Variants in ZNF253 observed in about 807,000 individuals in gnomAD.
ZNF253 encodes the protein zinc finger protein 253.
A neutral mutation model predicts 11.9 loss-of-function variants in ZNF253; 8 were observed. That is an observed-to-expected ratio of 0.67 (90% confidence interval 0.40 to 1.22). ZNF253 has a LOEUF of 1.22. Among genes scored for constraint, ZNF253 ranks in the 50% most tolerant of loss-of-function variants. ZNF253 has a pLI of 0.01. For synonymous variants in ZNF253, 194 were observed against 194.9 expected (o/e 1.00, Z 0.04); for missense variants, 485 against 586.9 (o/e 0.83, Z 1.79).
In ZNF253 at chr19:19,894,376, GT is replaced by G. The variant is rs1338284908; in HGVS notation, c.*1635del. 1 of 152,184 alleles carries G rather than the reference GT, an allele frequency of 6.6e-6. No individual in the cohort carries two copies. The highest frequency in any genetic ancestry group is 1.5e-5 in the Non-Finnish European group (1 of 68,016). 9.4% of individuals were successfully genotyped at this position (152,184 alleles called of 1,614,324 possible). A position where few individuals can be genotyped will look rare whatever the true frequency, so the allele number is the denominator to read the frequency against. ...TGCTGCATTAGAGATATTAGAGATT[GT>G]TTTTTATTAGTTGGGCATTATGTAT... On this transcript the variant is annotated 3_prime_UTR_variant, in exon 4 of 4. Coordinates refer to ENST00000589717, the MANE Select transcript of ZNF253 (RefSeq NM_021047.3).
chr19:19,879,702 G>T (rs2063169474), intron 2 of ZNF253, among the ~76,000 whole-genome samples: 1 of 152,144 alleles, frequency 6.6e-6, no homozygotes, highest in South Asian at 2.1e-4. Context: ...TTGATCACAT[G>T]CTTTCACTTG....
chr19:19,891,286 T>C (rs1334470107), intron 3 of ZNF253, among the ~76,000 whole-genome samples, 188 bp from the exon 4 acceptor site: 1 of 152,216 alleles, frequency 6.6e-6, no homozygotes. Flanking sequence ...CATTTATAAA[T>C]TTTTTACAAT....
Position 19,892,737 on chromosome 19 carries a change from G to C in ZNF253, c.1490G>C (p.Ser497Thr). 1.9e-6 allele frequency: 3 copies of C among 1,580,216 alleles called. No individual in the cohort carries two copies. The highest frequency in any genetic ancestry group is 2.6e-6 in the Non-Finnish European group (3 of 1,165,094). ...TTAAATGTTCCTCCACTTTTAATTA[G>C]CATAAGATAATTCATACTGGAGAGA... ...DLLNVPPLLI[S>T]IR Residue 497 changes from serine (S) to threonine (T), a missense_variant, in exon 4 of 4, where the codon AGC (serine) becomes ACC (threonine). Coordinates refer to ENST00000589717, the MANE Select transcript of ZNF253 (RefSeq NM_021047.3).
chr19:19,885,151 G>C (rs1416856759), intron 3 of ZNF253, among the ~76,000 whole-genome samples: 1 of 151,386 alleles, frequency 6.6e-6, no homozygotes, highest in Non-Finnish European at 1.5e-5. Flanking sequence ...TTTATTTGTT[G>C]CTCATACATT....
chr19:19,868,281 G>C (rs1270094186), intron 1 of ZNF253, among the ~76,000 whole-genome samples: 2 of 151,990 alleles, frequency 1.3e-5, no homozygotes, highest in African/African-American at 4.8e-5. Context: ...TCTGTGTCTA[G>C]AATGGTACTT....
intron 3 of ZNF253, among the ~76,000 whole-genome samples, chr19:19,885,133 T>C (rs2063193196): frequency 6.6e-6 from 1 of 152,098 alleles, no homozygotes; most frequent in African/African-American, 2.4e-5. Flanking sequence ...GTTAAACTTT[T>C]TTGTTCTTTT....
chr19:19,876,295 G>A (rs551164288), intron 1 of ZNF253, among the ~76,000 whole-genome samples: 19 of 147,038 alleles, frequency 1.3e-4, no homozygotes, highest in African/African-American at 4.8e-4. Context: ...TGATTTATAA[G>A]CTCATTAAAA....
Position 19,892,824 on chromosome 19 carries a change from TGA to T in ZNF253, c.*81_*82del. On this transcript the variant is annotated 3_prime_UTR_variant, in exon 4 of 4. Coordinates refer to ENST00000589717, the MANE Select transcript of ZNF253 (RefSeq NM_021047.3). ...ACCAGCCCTCGACTCTTAGTAAATT[TGA>T]GAGTTTATATGGAACACAAACCCTA... 7.3e-7 allele frequency: 1 copy of T among 1,364,458 alleles called. No homozygotes were observed. Among genetic ancestry groups the T allele is most frequent in the South Asian group, 1.4e-5 (1 of 69,920 alleles). The allele number at this position is 1,364,458 out of a possible 1,614,324, so 84.5% of individuals were successfully genotyped here. A position where few individuals can be genotyped will look rare whatever the true frequency, so the allele number is the denominator to read the frequency against.
At chr19:19,890,121 C>T (rs1421828336) in intron 3 of ZNF253, among the ~76,000 whole-genome samples, 1 of 152,062 alleles carries the variant, frequency 6.6e-6, no homozygotes. Flanking sequence ...ATAGTTTTGT[C>T]CTTGTGTAGT....
At chr19:19,889,244 T>G (rs2063219126) in intron 3 of ZNF253, among the ~76,000 whole-genome samples, 1 of 151,952 alleles carries the variant, frequency 6.6e-6, no homozygotes, top group Admixed American at 6.6e-5. Context: ...TTTTTTCTAT[T>G]TTAATATTTT....
chr19:19,874,140 C>T lies in ZNF253; in HGVS notation c.4-4341C>T, dbSNP rs1176689507. On this transcript the variant is annotated intron_variant, in intron 1 of 3. Transcript: ENST00000589717. The stretch of plus-strand genomic sequence containing the variant: ...GGTCAGGCTGGTCTTTAACTCCTGA[C>T]CTCAGGTGGTCTGCCCGCCTCGGCC... Among the ~76,000 whole-genome samples, 4 of 152,012 alleles carry T rather than the reference C, an allele frequency of 2.6e-5. No homozygotes were observed. The East Asian group carries it at 7.8e-4, about 30-fold the overall frequency.
At chr19:19,881,430 C>A (rs1366119761) in intron 3 of ZNF253, among the ~76,000 whole-genome samples, 1 of 151,986 alleles carries the variant, frequency 6.6e-6, no homozygotes, top group African/African-American at 2.4e-5. Context: ...GCATGGATCA[C>A]CTGAGATCAG....
rs777888425 is a variant in ZNF253 at position 19,891,540 on chromosome 19, T to C, written c.293T>C (p.Met98Thr). 6.2e-7 allele frequency: 1 copy of C among 1,613,784 alleles called. No individual in the cohort carries two copies. Among genetic ancestry groups the C allele is most frequent in the East Asian group, 2.2e-5 (1 of 44,852 alleles). The change falls in exon 4 of 4, where the codon ATG (methionine) becomes ACG (threonine). Residue 98 changes from methionine (M) to threonine (T), a missense_variant. Met to Thr is a moderately conservative substitution (Grantham distance 81). Around this residue, in one of 3 missense-constraint regions of ZNF253, gnomAD observed 218 missense variants for 213.1 expected, o/e 1.02. Transcript: ENST00000589717. ...ENIQNSFQIG[M>T]LRRYEECRHD... ...ATACAAAATTCTTTCCAAATAGGGA[T>C]GCTGAGAAGATATGAAGAATGCAGA...
At chr19:19,878,139 C>A (rs906952125) in intron 1 of ZNF253, among the ~76,000 whole-genome samples, 5 of 152,162 alleles carry the variant, frequency 3.3e-5, no homozygotes, top group African/African-American at 1.2e-4. Context: ...GAGGTGCCTT[C>A]TAACTCAACA....
chr19:19,883,417 G>A (rs1045699874), intron 3 of ZNF253, among the ~76,000 whole-genome samples: 7 of 151,986 alleles, frequency 4.6e-5, no homozygotes, highest in African/African-American at 1.4e-4. Flanking sequence ...TTTGAGAGCC[G>A]CCTGGGGAAT....
At chr19:19,878,392 G>T in intron 1 of ZNF253, 89 bp from the exon 2 acceptor site, 1 of 1,605,074 alleles carries the variant, frequency 6.2e-7, no homozygotes, top group Non-Finnish European at 8.5e-7. Context: ...GTCAGAACCA[G>T]TTCTCTTTAC....
At chr19:19,877,242 A>G (rs536903554) in intron 1 of ZNF253, among the ~76,000 whole-genome samples, 4 of 152,232 alleles carry the variant, frequency 2.6e-5, no homozygotes, top group Non-Finnish European at 4.4e-5. Flanking sequence ...TAAAATTCCT[A>G]CTAAAAGTTA....
intron 3 of ZNF253, among the ~76,000 whole-genome samples, chr19:19,888,811 A>T (rs1393871501): frequency 6.6e-6 from 1 of 152,176 alleles, no homozygotes; most frequent in Non-Finnish European, 1.5e-5. Flanking sequence ...ATGTATTTTC[A>T]TATGATCATG....
intron 3 of ZNF253, among the ~76,000 whole-genome samples, chr19:19,885,997 T>C (rs1474770546): frequency 6.6e-6 from 1 of 152,178 alleles, no homozygotes; most frequent in Non-Finnish European, 1.5e-5. Context: ...TAAAATTGTT[T>C]TGTTGTTGTT....
Sources: gnomAD v4.1 joint callset for allele counts (sites outside exome capture counted in the v4.1 genomes callset) on GRCh38, gnomAD v4.1.1 for gene constraint, gnomAD v4.1.1 regional missense constraint, MANE v1.5 for transcripts, NCBI Gene and HGNC (gene_info 2026-07-23, HGNC 2026-07-21) for gene names.